Variants in CDH23 observed in about 807,000 individuals in gnomAD.
CDH23 encodes the protein cadherin-23.
CDH23 carries 189 observed loss-of-function variants against 317.1 expected under a neutral mutation model. That is an observed-to-expected ratio of 0.60 (90% confidence interval 0.53 to 0.67). The LOEUF (loss-of-function observed/expected upper bound fraction) is 0.67, where lower values mean the gene tolerates loss of function less well. Ranked by LOEUF, CDH23 falls within the 30% of genes least tolerant of loss-of-function variation. The pLI, the probability that CDH23 is intolerant of heterozygous loss-of-function variation, is 0.00. For missense variants in CDH23, 4,401 were observed against 4,592.4 expected (o/e 0.96, Z 1.20); for synonymous variants, 1,839 against 1,876.8 (o/e 0.98, Z 0.52).
intron 22 of CDH23, among the ~76,000 whole-genome samples, chr10:71,697,630 C>A (rs1865441536): frequency 6.6e-6 from 1 of 152,050 alleles, no homozygotes. Context: ...CAAGATCACA[C>A]CACTGCACTC....
chr10:71,582,372 T>C (rs1858701526), intron 9 of CDH23, among the ~76,000 whole-genome samples: 2 of 152,238 alleles, frequency 1.3e-5, no homozygotes, highest in Admixed American at 1.3e-4. Context: ...TGATAAAATA[T>C]CTCACTGGTA....
rs201712138 is a variant in CDH23 at position 71,687,737 on chromosome 10, G to T, written c.2059+18G>T. 3 of 1,611,864 alleles carry T rather than the reference G, an allele frequency of 1.9e-6. No individual in the cohort carries two copies. Among genetic ancestry groups the T allele is most frequent in the African/African-American group, 1.3e-5 (1 of 74,884 alleles). ...CATGGCAGGTACAGGCTCAGGTCGG[G>T]GGGTGGGGGGCACATGGAGGTAGGC... On this transcript the variant is annotated intron_variant, in intron 19 of 69. Transcript: ENST00000224721.
At chr10:71,700,078 A>C (rs1321762625) in intron 22 of CDH23, among the ~76,000 whole-genome samples, 1 of 152,182 alleles carries the variant, frequency 6.6e-6, no homozygotes, top group Non-Finnish European at 1.5e-5. Context: ...AGAAAAATAA[A>C]ATAGGGAGAA....
chr10:71,775,718 G>C lies in CDH23; in HGVS notation c.4846-1962G>C, dbSNP rs144700899. Among the ~76,000 whole-genome samples the C allele has an allele frequency of 6.4e-4, 97 of 152,190 alleles. 1 individual carries two copies. The East Asian group carries it at 0.018, about 29-fold the overall frequency. ...AGGAGGGGCTCCAAGGCCCAACTCT[G>C]TTCAAACTCTCCACTCCCAGCCCCT... On this transcript the variant is annotated intron_variant, in intron 38 of 69. Coordinates refer to ENST00000224721, the MANE Select transcript of CDH23 (RefSeq NM_022124.6).
intron 6 of CDH23, among the ~76,000 whole-genome samples, chr10:71,558,405 T>A (rs1432324273): frequency 6.6e-6 from 1 of 152,220 alleles, no homozygotes; most frequent in Non-Finnish European, 1.5e-5. Context: ...TTTGAATTTG[T>A]TTCTACTTTT....
intron 3 of CDH23, among the ~76,000 whole-genome samples, chr10:71,477,802 C>G (rs1398701497): frequency 6.6e-6 from 1 of 152,154 alleles, no homozygotes; most frequent in Non-Finnish European, 1.5e-5. Flanking sequence ...GCTGTTTCTA[C>G]TTGTGAAATG....
chr10:71,639,031 G>C (rs1862407431), intron 11 of CDH23, among the ~76,000 whole-genome samples: 1 of 152,214 alleles, frequency 6.6e-6, no homozygotes. Flanking sequence ...GGAGCCAGGA[G>C]GGATTTCATG....
chr10:71,793,771 T>C lies in CDH23; in HGVS notation c.6712+131T>C, dbSNP rs912926693. ...GCTACTCTCTTCTCTCCCCCTCCTC[T>C]GGAGGGAAACCAGAACCGTCCTTCT... On this transcript the variant is annotated intron_variant, in intron 48 of 69. Transcript: ENST00000224721. The C allele has an allele frequency of 4.3e-6, 3 of 699,192 alleles. No homozygotes were observed. In the African/African-American group the frequency reaches 5.4e-5, roughly 13 times the overall value. 43.3% of individuals were successfully genotyped at this position (699,192 alleles called of 1,614,324 possible).
intron 21 of CDH23, 54 bp from the exon 22 acceptor site, chr10:71,695,364 G>A: frequency 7.7e-7 from 1 of 1,293,438 alleles, no homozygotes; most frequent in Middle Eastern, 1.8e-4. Context: ...GGCAGGCCCT[G>A]CCCTGGCCCA....
At position 71,617,371 on chromosome 10, in the gene CDH23, T is replaced by A; in HGVS notation, c.1112T>A (p.Ile371Asn). 6.2e-7 allele frequency: 1 copy of A among 1,613,790 alleles called. No individual in the cohort carries two copies. Among genetic ancestry groups the A allele is most frequent in the Non-Finnish European group, 8.5e-7 (1 of 1,179,882 alleles). The change falls in exon 11 of 70, where the codon ATC (isoleucine) becomes AAC (asparagine). Residue 371 changes from isoleucine (I) to asparagine (N), a missense_variant. By Grantham distance (149) the Ile-to-Asn change is moderately radical. Coordinates refer to ENST00000224721, the MANE Select transcript of CDH23 (RefSeq NM_022124.6). ...GTCGGCTTTGCCCTTCCACTCTTCA[T>A]CCAGGTGGTGGACAAGGATGAGGTG... ...AQVGFALPLF[I>N]QVVDKDENLG...
At chr10:71,675,521 C>T (rs962363962) in intron 15 of CDH23, among the ~76,000 whole-genome samples, 1 of 152,222 alleles carries the variant, frequency 6.6e-6, no homozygotes, top group African/African-American at 2.4e-5. Context: ...ATGTCAGGCT[C>T]ATGATGGCCA....
chr10:71,545,999 G>A (rs1027636138), intron 6 of CDH23, among the ~76,000 whole-genome samples: 1 of 152,116 alleles, frequency 6.6e-6, no homozygotes, highest in African/African-American at 2.4e-5. Flanking sequence ...GAAAGCAGAG[G>A]GTTTTGGAGT....
At position 71,813,338 on chromosome 10, in the gene CDH23, C is replaced by T. The variant is rs941288214; in HGVS notation, c.9728C>T (p.Ser3243Phe). 3.1e-5 allele frequency: 48 copies of T among 1,551,482 alleles called. No individual in the cohort carries two copies. The highest frequency in any genetic ancestry group is 3.9e-5 in the Non-Finnish European group (45 of 1,146,942). The part of the protein sequence containing the change: ...MVQKASSCHS[S>F]ISELIQTELD... ...CAAAAAGCCTCCTCCTGCCACTCCT[C>T]CATCTCTGAGGTAGCCGGCTGGGTG... Residue 3243 changes from serine (S) to phenylalanine (F), a missense_variant, in exon 69 of 70, where the codon TCC becomes TTC. By Grantham distance (155) the Ser-to-Phe change is radical. Coordinates refer to ENST00000224721, the MANE Select transcript of CDH23 (RefSeq NM_022124.6).
rs2132739546 is a variant in CDH23 at position 71,704,903 on chromosome 10, G to A, written c.2734-8G>A. 6.2e-7 allele frequency: 1 copy of A among 1,608,342 alleles called. No individual in the cohort carries two copies. The highest frequency in any genetic ancestry group is 2.2e-5 in the East Asian group (1 of 44,782). Reference sequence around the variant, plus strand: ...CCCCACCCTCATGCTGCCCCTCCTTGCCCTCAGGTGGTGGCCATCGACCTC... The same window carrying A: ...CCCCACCCTCATGCTGCCCCTCCTTACCCTCAGGTGGTGGCCATCGACCTC... On this transcript the variant is annotated splice_polypyrimidine_tract_variant and splice_region_variant and intron_variant, in intron 24 of 69. Transcript: ENST00000224721.
intron 27 of CDH23, 99 bp from the exon 28 acceptor site, chr10:71,712,566 G>A: frequency 7.1e-7 from 1 of 1,412,958 alleles, no homozygotes; most frequent in East Asian, 2.4e-5. Context: ...GGCGGAACAG[G>A]GCACCTCTCT....
chr10:71,699,631 T>A (rs1360593166), intron 22 of CDH23, among the ~76,000 whole-genome samples: 3 of 152,210 alleles, frequency 2.0e-5, no homozygotes, highest in Middle Eastern at 3.2e-3. Context: ...AGGACCTGGC[T>A]GATGGGCATT....
chr10:71,809,434 C>T (rs1002969757), intron 60 of CDH23, among the ~76,000 whole-genome samples: 1 of 152,064 alleles, frequency 6.6e-6, no homozygotes, highest in African/African-American at 2.4e-5. Flanking sequence ...CCGCCTCAGC[C>T]TCCCAAAGTG....
At chr10:71,478,786 G>C (rs1851920376) in intron 3 of CDH23, among the ~76,000 whole-genome samples, 1 of 152,146 alleles carries the variant, frequency 6.6e-6, no homozygotes, top group South Asian at 2.1e-4. Context: ...GAATCTAAGA[G>C]CCCGTCTCCA....
chr10:71,759,980 CAT>C lies in CDH23; in HGVS notation c.4846-17692_4846-17691del, dbSNP rs772299103. Among the ~76,000 whole-genome samples, 110 of 85,356 alleles carry C rather than the reference CAT, an allele frequency of 1.3e-3. 32 individuals are homozygous for C. The Middle Eastern group carries it at 0.018, about 14-fold the overall frequency. The allele number at this position is 85,356 out of a possible 152,430, so 56.0% of individuals were successfully genotyped here. On this transcript the variant is annotated intron_variant, in intron 38 of 69. Coordinates refer to ENST00000224721, the MANE Select transcript of CDH23 (RefSeq NM_022124.6). ...ACACACACATATATATACACACACA[CAT>C]ATATATACACACACACATACATATA... is the stretch of plus-strand genomic sequence containing the variant.
Sources: gnomAD v4.1 joint callset for allele counts (sites outside exome capture counted in the v4.1 genomes callset) on GRCh38, gnomAD v4.1.1 for gene constraint, MANE v1.5 for transcripts, NCBI Gene and HGNC (gene_info 2026-07-23, HGNC 2026-07-21) for gene names.